WDR89: variants seen among roughly 807,000 people sequenced by gnomAD.
WDR89 encodes WD repeat domain 89.
Under a neutral mutation model 29.1 loss-of-function variants are expected in WDR89, and 17 were observed. That is an observed-to-expected ratio of 0.58 (90% confidence interval 0.40 to 0.88). The LOEUF (loss-of-function observed/expected upper bound fraction) is 0.88, where lower values mean the gene tolerates loss of function less well. Among genes scored for constraint, WDR89 ranks in the 40% least tolerant of loss-of-function variants. The pLI is 0.00. For missense variants in WDR89, 396 were observed against 456.3 expected (o/e 0.87, Z 1.20); for synonymous variants, 138 against 157.8 (o/e 0.87, Z 0.94).
intron 2 of WDR89, among the ~76,000 whole-genome samples, chr14:63,618,835 T>G (rs1327423707): frequency 6.6e-6 from 1 of 152,130 alleles, no homozygotes; most frequent in Non-Finnish European, 1.5e-5. Flanking sequence ...AGGGGTCTCA[T>G]AAAAAATCTG....
At chr14:63,601,472 C>T (rs996911322) in intron 2 of WDR89, 12 of 1,198,376 alleles carry the variant, frequency 1.0e-5, no homozygotes, top group Non-Finnish European at 1.5e-5. Context: ...AAATTCTTGA[C>T]ACTAGAGCAG....
intron 2 of WDR89, among the ~76,000 whole-genome samples, chr14:63,607,984 G>T (rs1881695872): frequency 6.6e-6 from 1 of 151,984 alleles, no homozygotes; most frequent in South Asian, 2.1e-4. Context: ...AAGGCGGGCA[G>T]ATCACGAGGT....
At chr14:63,641,569 G>A (rs2139592998) in intron 1 of WDR89, among the ~76,000 whole-genome samples, 1 of 152,372 alleles carries the variant, frequency 6.6e-6, no homozygotes, top group Non-Finnish European at 1.5e-5. Flanking sequence ...GGCAACAGCA[G>A]CCTGACCCGC....
intron 2 of WDR89, among the ~76,000 whole-genome samples, chr14:63,602,400 T>C (rs1351800948): frequency 7.5e-6 from 1 of 133,820 alleles, no homozygotes; most frequent in Admixed American, 7.8e-5. Context: ...GAGGTAGAGG[T>C]TGCAATGAGC....
At chr14:63,613,002 T>A (rs1422000145) in intron 2 of WDR89, among the ~76,000 whole-genome samples, 1 of 152,170 alleles carries the variant, frequency 6.6e-6, no homozygotes, top group Admixed American at 6.5e-5. Context: ...TCAGCCCCAG[T>A]ATGTCATTAG....
intron 1 of WDR89, among the ~76,000 whole-genome samples, chr14:63,631,984 C>T (rs375441438): frequency 2.0e-5 from 3 of 151,210 alleles, no homozygotes; most frequent in East Asian, 2.0e-4. Flanking sequence ...TGATGGGACA[C>T]GCCTGTAATC....
At position 63,598,884 on chromosome 14, in the gene WDR89, T is replaced by C; in HGVS notation, c.1059A>G (p.Ile353Met). Residue 353 changes from isoleucine to methionine, a missense_variant, in exon 3 of 3, where the codon ATA (isoleucine) becomes ATG (methionine). Physicochemically the swap from Ile to Met is conservative, Grantham distance 10. Transcript: ENST00000620954. ...AQLLLWKPGA[I>M]EKTFTKKESM... ...TCTCTTTCTTTGTAAAGGTCTTCTC[T>C]ATAGCTCCAGGTTTCCAAAGTAACA... is the stretch of plus-strand genomic sequence containing the variant. 6.2e-7 allele frequency: 1 copy of C among 1,614,222 alleles called. No homozygotes were observed. The highest frequency in any genetic ancestry group is 1.7e-5 in the Admixed American group (1 of 60,028).
rs758925170 is a variant in WDR89, at chr14:63,600,053, T to C, written c.-31-80A>G. The C allele has an allele frequency of 2.2e-5, 18 of 837,132 alleles. No individual in the cohort carries two copies. The African/African-American group carries it at 3.0e-4, about 14-fold the overall frequency. 51.9% of individuals were successfully genotyped at this position (837,132 alleles called of 1,614,324 possible). On this transcript the variant is annotated intron_variant, in intron 2 of 2. Coordinates refer to ENST00000620954, the MANE Select transcript of WDR89 (RefSeq NM_080666.4). The stretch of plus-strand genomic sequence containing the variant: ...ATAAAAAAATTTAACTTGAAGTTTC[T>C]CTAAAATTGCAATTAAATCAAGAAC...
In WDR89 at chr14:63,599,461, G is replaced by GA. The variant is rs1423203941; in HGVS notation, c.481dup (p.Ser161PhefsTer10). The GA allele has an allele frequency of 4.3e-6, 7 of 1,614,054 alleles. No individual in the cohort carries two copies. The highest frequency in any genetic ancestry group is 1.3e-5 in the African/African-American group (1 of 74,924). On this transcript the variant is annotated frameshift_variant, in exon 3 of 3. Coordinates refer to ENST00000620954, the MANE Select transcript of WDR89 (RefSeq NM_080666.4). LOFTEE classifies it high-confidence loss of function. Reference sequence around the variant, plus strand: ...ATGTGTCTCTGAATATGCACCAAGTGAGTCTTTAGTTGTAGATAAATTCTG... The same window carrying GA: ...ATGTGTCTCTGAATATGCACCAAGTGAAGTCTTTAGTTGTAGATAAATTCTG...
At chr14:63,624,706 C>T (rs527480160) in intron 2 of WDR89, among the ~76,000 whole-genome samples, 2 of 152,116 alleles carry the variant, frequency 1.3e-5, no homozygotes, top group African/African-American at 4.8e-5. Flanking sequence ...CAAATAAGCA[C>T]GAGGAGCCCA....
chr14:63,609,934 T>G lies in WDR89; in HGVS notation c.-31-9961A>C. Among the ~76,000 whole-genome samples the G allele has an allele frequency of 2.0e-5, 3 of 152,212 alleles. 1 individual carries two copies. In the Middle Eastern group the frequency reaches 0.01, roughly 518 times the overall value. On this transcript the variant is annotated intron_variant, in intron 2 of 2. Transcript: ENST00000620954. ...TTCTTATCTTGGATACCAATCAAAATGTTTAGGATTTAAACTATTAAAAAC... is the reference window on the plus strand; with the variant it reads ...TTCTTATCTTGGATACCAATCAAAAGGTTTAGGATTTAAACTATTAAAAAC...
rs534463432 is a variant in WDR89 at position 63,598,617 on chromosome 14, T to C, written c.*162A>G. ...TTAGAGGCTTTAAAATTTTTTAGAA[T>C]ATGTGAAGACCGGAATTAAACCATT... On this transcript the variant is annotated 3_prime_UTR_variant, in exon 3 of 3. Transcript: ENST00000620954. The C allele has an allele frequency of 1.8e-6, 1 of 558,046 alleles. No homozygotes were observed. Among genetic ancestry groups the C allele is most frequent in the African/African-American group, 1.9e-5 (1 of 51,584 alleles). 34.6% of individuals were successfully genotyped at this position (558,046 alleles called of 1,614,324 possible).
At chr14:63,613,839 T>G (rs1882141901) in intron 2 of WDR89, among the ~76,000 whole-genome samples, 1 of 150,880 alleles carries the variant, frequency 6.6e-6, no homozygotes, top group Non-Finnish European at 1.5e-5. Flanking sequence ...TTTTTTTTTT[T>G]TTTTAATACA....
intron 2 of WDR89, among the ~76,000 whole-genome samples, chr14:63,612,478 C>A (rs370414228): frequency 6.6e-6 from 1 of 151,932 alleles, no homozygotes. Context: ...CGGGTTCAAG[C>A]GATTATCCTG....
At chr14:63,636,676 T>A (rs562291652) in intron 1 of WDR89, among the ~76,000 whole-genome samples, 5 of 152,274 alleles carry the variant, frequency 3.3e-5, no homozygotes, top group African/African-American at 9.6e-5. Flanking sequence ...AAGGACACCC[T>A]TTTCAACAAA....
intron 2 of WDR89, chr14:63,618,175 C>T (rs1214737148): frequency 6.6e-6 from 1 of 151,996 alleles, no homozygotes; most frequent in South Asian, 2.1e-4. Flanking sequence ...TAGAGAGAGA[C>T]AGGGTCTCAC....
chr14:63,622,424 C>T (rs538087395), intron 2 of WDR89, among the ~76,000 whole-genome samples: 2 of 151,942 alleles, frequency 1.3e-5, no homozygotes, highest in African/African-American at 4.8e-5. Context: ...TACAAAAATA[C>T]AAAAAAATTA....
rs35230660 is a variant in WDR89, at chr14:63,627,150, A to ACTCT, written c.-137-2121_-137-2118dup. Reference sequence around the variant, plus strand: ...CACACACACACACACACACACACACACTCTCTCTCTCTCTCTCTCTCTCTC... The same window carrying ACTCT: ...CACACACACACACACACACACACACACTCTCTCTCTCTCTCTCTCTCTCTCTCTC... On this transcript the variant is annotated intron_variant, in intron 1 of 2. Coordinates refer to ENST00000620954, the MANE Select transcript of WDR89 (RefSeq NM_080666.4). Among the ~76,000 whole-genome samples the ACTCT allele has an allele frequency of 9.1e-3, 1,156 of 127,232 alleles. 9 individuals are homozygous for ACTCT. Among genetic ancestry groups the ACTCT allele is most frequent in the East Asian group, 0.025 (112 of 4,436 alleles). The allele number at this position is 127,232 out of a possible 152,430, so 83.5% of individuals were successfully genotyped here.
intron 2 of WDR89, among the ~76,000 whole-genome samples, chr14:63,610,832 G>A (rs901377938): frequency 2.6e-5 from 4 of 151,262 alleles, no homozygotes; most frequent in African/African-American, 9.7e-5. Context: ...CTCCTGAGTA[G>A]CTAAGATTAC....
Sources: allele counts gnomAD v4.1 joint callset (sites outside exome capture counted in the v4.1 genomes callset), GRCh38; gene constraint gnomAD v4.1.1; transcripts MANE v1.5; gene names NCBI Gene and HGNC (gene_info 2026-07-23, HGNC 2026-07-21).